Variants in TMEM163 observed in about 807,000 individuals in gnomAD.
TMEM163 encodes transmembrane protein 163.
In TMEM163, 17 loss-of-function variants were observed where a neutral mutation model predicts 29.3. That is an observed-to-expected ratio of 0.58 (90% CI 0.40 to 0.87). The LOEUF is 0.87. Ranked by LOEUF, TMEM163 falls within the 40% of genes least tolerant of loss-of-function variation. The pLI is 0.00. For missense variants in TMEM163, 303 were observed against 381.5 expected (o/e 0.79, Z 1.71); for synonymous variants, 157 against 160.6 (o/e 0.98, Z 0.17).
At chr2:134,592,998 C>T (rs553432358) in intron 2 of TMEM163, among the ~76,000 whole-genome samples, 199 of 152,262 alleles carry the variant, frequency 1.3e-3, no homozygotes, top group Middle Eastern at 3.4e-3. Context: ...TCCTAAGCAG[C>T]CTCAGGCTCC....
chr2:134,456,455 C>T lies in TMEM163; in HGVS notation c.*261G>A, dbSNP rs569549790. The stretch of plus-strand genomic sequence containing the variant: ...TCCTACCCATGAGAACCATCATACT[C>T]CAGAGACTAAAAAACGCCAGTCCCA... On this transcript the variant is annotated 3_prime_UTR_variant, in exon 8 of 8. Transcript: ENST00000281924. The T allele has an allele frequency of 1.5e-4, 74 of 498,756 alleles. No homozygotes were observed. In the South Asian group the frequency reaches 1.7e-3, roughly 11 times the overall value. 30.9% of individuals were successfully genotyped at this position (498,756 alleles called of 1,614,324 possible).
chr2:134,515,623 G>A (rs1213752328), intron 4 of TMEM163, among the ~76,000 whole-genome samples: 1 of 152,158 alleles, frequency 6.6e-6, no homozygotes, highest in Non-Finnish European at 1.5e-5. Flanking sequence ...GTGCCACAAA[G>A]GGAGTGTTTA....
intron 5 of TMEM163, among the ~76,000 whole-genome samples, chr2:134,483,137 C>A (rs893936777): frequency 6.6e-6 from 1 of 152,214 alleles, no homozygotes; most frequent in Non-Finnish European, 1.5e-5. Flanking sequence ...TCTTCCAAGA[C>A]ATAGCCCAGC....
chr2:134,480,827 GT>G (rs36005436), intron 5 of TMEM163, among the ~76,000 whole-genome samples: 90,401 of 152,030 alleles, frequency 0.59, 29,446 homozygotes, highest in East Asian at 0.89. Context: ...GGGATTAAGA[GT>G]TTTTTAATTA....
intron 2 of TMEM163, among the ~76,000 whole-genome samples, chr2:134,658,832 C>CG (rs1431555535): frequency 1.3e-5 from 2 of 152,100 alleles, no homozygotes; most frequent in Non-Finnish European, 2.9e-5. Context: ...CACCTGACCT[C>CG]GTGATCCGCC....
chr2:134,556,668 A>T (rs1037957764), intron 2 of TMEM163, among the ~76,000 whole-genome samples: 1 of 152,078 alleles, frequency 6.6e-6, no homozygotes, highest in East Asian at 1.9e-4. Flanking sequence ...AAAAAATTTT[A>T]AAATTAGCTG....
chr2:134,515,384 A>G (rs1574196785), intron 4 of TMEM163, among the ~76,000 whole-genome samples: 1 of 152,188 alleles, frequency 6.6e-6, no homozygotes, highest in East Asian at 1.9e-4. Context: ...TCAGCATAAC[A>G]TGGTTAATTA....
intron 2 of TMEM163, among the ~76,000 whole-genome samples, chr2:134,645,545 C>G (rs142874225): frequency 3.9e-5 from 6 of 152,218 alleles, no homozygotes; most frequent in Admixed American, 1.3e-4. Flanking sequence ...CTAGTCATAA[C>G]TGCCAAAAAC....
At chr2:134,543,439 T>C (rs1415562847) in intron 4 of TMEM163, among the ~76,000 whole-genome samples, 1 of 152,226 alleles carries the variant, frequency 6.6e-6, no homozygotes, top group Non-Finnish European at 1.5e-5. Context: ...TTAAGAGCAC[T>C]AGACAAGTGT....
intron 4 of TMEM163, among the ~76,000 whole-genome samples, chr2:134,526,009 G>T (rs1482311918): frequency 6.6e-6 from 1 of 152,228 alleles, no homozygotes; most frequent in African/African-American, 2.4e-5. Context: ...TCAGCAGAGG[G>T]TATAGAGAAC....
intron 5 of TMEM163, among the ~76,000 whole-genome samples, chr2:134,476,507 T>C (rs191756557): frequency 8.5e-5 from 13 of 152,342 alleles, no homozygotes; most frequent in African/African-American, 2.6e-4. Context: ...ATACTATTTA[T>C]CTCAGGGATT....
At chr2:134,537,239 A>G (rs1680561315) in intron 4 of TMEM163, among the ~76,000 whole-genome samples, 1 of 152,212 alleles carries the variant, frequency 6.6e-6, no homozygotes, top group Non-Finnish European at 1.5e-5. Flanking sequence ...GAAAAAGGGA[A>G]GAAACCACAT....
At chr2:134,602,749 T>C (rs1337681975) in intron 2 of TMEM163, among the ~76,000 whole-genome samples, 2 of 152,046 alleles carry the variant, frequency 1.3e-5, no homozygotes, top group African/African-American at 4.8e-5. Context: ...CATTCCCTCC[T>C]CTCCTCCTTG....
intron 2 of TMEM163, among the ~76,000 whole-genome samples, chr2:134,707,733 C>T (rs1392041508): frequency 1.3e-5 from 2 of 151,804 alleles, no homozygotes; most frequent in Non-Finnish European, 2.9e-5. Context: ...GGGGAATGGG[C>T]GCCTGCAGTT....
intron 2 of TMEM163, 57 bp from the exon 3 acceptor site, chr2:134,552,148 A>G (rs1433423003): frequency 2.2e-6 from 3 of 1,376,034 alleles, no homozygotes; most frequent in South Asian, 2.5e-5. Context: ...ATTTTTGAGT[A>G]TATTAATACA....
chr2:134,492,252 AC>A (rs2106482859), intron 5 of TMEM163, among the ~76,000 whole-genome samples: 1 of 152,326 alleles, frequency 6.6e-6, no homozygotes, highest in Non-Finnish European at 1.5e-5. Flanking sequence ...ACTTCACAGC[AC>A]CTTACAATAT....
At chr2:134,712,179 T>C (rs1684940716) in intron 2 of TMEM163, among the ~76,000 whole-genome samples, 1 of 152,252 alleles carries the variant, frequency 6.6e-6, no homozygotes, top group Non-Finnish European at 1.5e-5. Context: ...GTTTCCAATA[T>C]AAATTGCTTC....
chr2:134,489,464 C>A (rs983343519), intron 5 of TMEM163, among the ~76,000 whole-genome samples: 1 of 151,754 alleles, frequency 6.6e-6, no homozygotes, highest in Non-Finnish European at 1.5e-5. Context: ...GTAGTCCCAG[C>A]TATTTGGGAG....
intron 2 of TMEM163, among the ~76,000 whole-genome samples, chr2:134,689,516 C>T (rs1684417036): frequency 6.6e-6 from 1 of 152,220 alleles, no homozygotes; most frequent in Non-Finnish European, 1.5e-5. Flanking sequence ...ATGACTAGCA[C>T]TGTGACATCC....
Sources: gnomAD v4.1 joint callset for allele counts (sites outside exome capture counted in the v4.1 genomes callset) on GRCh38, gnomAD v4.1.1 for gene constraint, MANE v1.5 for transcripts, NCBI Gene and HGNC (gene_info 2026-07-23, HGNC 2026-07-21) for gene names.